Variants in PDSS2 observed in about 807,000 individuals in gnomAD.
PDSS2 encodes the protein all trans-polyprenyl-diphosphate synthase PDSS2.
Under a neutral mutation model 44.5 loss-of-function variants are expected in PDSS2, and 31 were observed. The ratio of observed to expected loss-of-function variants is 0.70; its 90% CI spans 0.52 to 0.94. The LOEUF (loss-of-function observed/expected upper bound fraction) is 0.94. Ranked by LOEUF, PDSS2 falls within the 40% of genes least tolerant of loss-of-function variation. PDSS2 has a pLI of 0.00. For synonymous variants in PDSS2, 157 were observed against 180.3 expected (o/e 0.87, Z 1.03); for missense variants, 452 against 482.2 (o/e 0.94, Z 0.59).
intron 3 of PDSS2, among the ~76,000 whole-genome samples, chr6:107,257,961 C>T (rs1373727335): frequency 6.6e-6 from 1 of 152,156 alleles, no homozygotes; most frequent in African/African-American, 2.4e-5. Context: ...ATGCAATGCA[C>T]ACACAAAAAT....
intron 1 of PDSS2, among the ~76,000 whole-genome samples, chr6:107,450,686 G>A (rs1180860709): frequency 6.6e-6 from 1 of 152,184 alleles, no homozygotes; most frequent in Non-Finnish European, 1.5e-5. Flanking sequence ...TAATTCTATA[G>A]GTTATGGCAG....
At chr6:107,414,706 C>T (rs902573849) in intron 1 of PDSS2, among the ~76,000 whole-genome samples, 1 of 152,178 alleles carries the variant, frequency 6.6e-6, no homozygotes, top group African/African-American at 2.4e-5. Context: ...AGCATATGGG[C>T]TTCCCCAGCA....
At chr6:107,273,966 C>G in intron 3 of PDSS2, 63 bp downstream of exon 3, 3 of 1,316,520 alleles carry the variant, frequency 2.3e-6, no homozygotes, top group Non-Finnish European at 3.3e-6. Context: ...ACCTGCAGCT[C>G]CAGCAGCCAA....
In PDSS2 at chr6:107,338,397, C is replaced by T. The variant is rs1312907881; in HGVS notation, c.297-4065G>A. 2.6e-5 allele frequency among the ~76,000 whole-genome samples: 4 copies of T among 152,306 alleles called. No homozygotes were observed. The East Asian group carries it at 7.7e-4, about 29-fold the overall frequency. On this transcript the variant is annotated intron_variant, in intron 1 of 7. Coordinates refer to ENST00000369037, the MANE Select transcript of PDSS2 (RefSeq NM_020381.4). Reference sequence around the variant, plus strand: ...AAATGGTAAGGTTGGTGTTCTCAAACGTATTCAGCCAAGAGTGTACTGAAT... The same window carrying T: ...AAATGGTAAGGTTGGTGTTCTCAAATGTATTCAGCCAAGAGTGTACTGAAT...
intron 6 of PDSS2, among the ~76,000 whole-genome samples, 184 bp downstream of exon 6, chr6:107,210,255 T>C (rs1439330582): frequency 6.6e-6 from 1 of 152,220 alleles, no homozygotes; most frequent in African/African-American, 2.4e-5. Context: ...AATTCAGTAC[T>C]GCAATCTCTA....
chr6:107,270,172 G>A (rs1775552055), intron 3 of PDSS2, among the ~76,000 whole-genome samples: 1 of 151,986 alleles, frequency 6.6e-6, no homozygotes, highest in African/African-American at 2.4e-5. Context: ...GCAATGGCGT[G>A]ATCTTGGCTC....
In PDSS2 at chr6:107,153,555, AG is replaced by A. The variant is rs1582701266; in HGVS notation, c.*1063del. 1.3e-5 allele frequency: 2 copies of A among 152,738 alleles called. No homozygotes were observed. 9.5% of individuals were successfully genotyped at this position (152,738 alleles called of 1,614,324 possible). On this transcript the variant is annotated 3_prime_UTR_variant, in exon 8 of 8. Coordinates refer to ENST00000369037, the MANE Select transcript of PDSS2 (RefSeq NM_020381.4). ...AATGAATACATTTCACTTGAAAAAA[AG>A]CTCCTTTTTCCTTAAAGAAAAAAAA...
chr6:107,172,156 C>T (rs1771602624), intron 7 of PDSS2, among the ~76,000 whole-genome samples: 1 of 152,164 alleles, frequency 6.6e-6, no homozygotes, highest in Non-Finnish European at 1.5e-5. Flanking sequence ...ATACAAAGTA[C>T]TTAAAATTAA....
At chr6:107,186,226 G>GAA (rs1772158913) in intron 7 of PDSS2, among the ~76,000 whole-genome samples, 1 of 152,208 alleles carries the variant, frequency 6.6e-6, no homozygotes, top group Non-Finnish European at 1.5e-5. Flanking sequence ...TACTACAGCA[G>GAA]TGTAAAGCAT....
chr6:107,428,517 G>A (rs1463463384), intron 1 of PDSS2, among the ~76,000 whole-genome samples: 1 of 152,050 alleles, frequency 6.6e-6, no homozygotes, highest in Non-Finnish European at 1.5e-5. Flanking sequence ...AGTATATGCT[G>A]GGCAACAGAA....
chr6:107,192,735 T>C (rs375513945), intron 7 of PDSS2, among the ~76,000 whole-genome samples: 3 of 151,968 alleles, frequency 2.0e-5, no homozygotes, highest in South Asian at 2.1e-4. Flanking sequence ...TTCTGACATA[T>C]GTTCCTGGGT....
At chr6:107,200,313 T>C (rs1329483660) in intron 6 of PDSS2, among the ~76,000 whole-genome samples, 1 of 152,212 alleles carries the variant, frequency 6.6e-6, no homozygotes, top group Non-Finnish European at 1.5e-5. Context: ...TTTTACATTT[T>C]TGTATAGGCC....
chr6:107,371,498 A>G (rs1401391232), intron 1 of PDSS2, among the ~76,000 whole-genome samples: 2 of 152,192 alleles, frequency 1.3e-5, no homozygotes, highest in South Asian at 4.1e-4. Context: ...TCCTGTTTTC[A>G]TTTATTTCAA....
intron 4 of PDSS2, among the ~76,000 whole-genome samples, chr6:107,235,698 A>C (rs572874890): frequency 1.3e-4 from 20 of 152,344 alleles, no homozygotes; most frequent in Non-Finnish European, 2.5e-4. Context: ...AATACAACCC[A>C]TAATGAGGGA....
At chr6:107,221,157 A>G (rs1773589291) in intron 4 of PDSS2, among the ~76,000 whole-genome samples, 1 of 152,148 alleles carries the variant, frequency 6.6e-6, no homozygotes, top group Non-Finnish European at 1.5e-5. Context: ...CCTGGCTAAC[A>G]CGGTGAAACC....
intron 7 of PDSS2, among the ~76,000 whole-genome samples, chr6:107,178,515 G>A (rs62428026): frequency 1.2e-4 from 19 of 152,280 alleles, no homozygotes; most frequent in Non-Finnish European, 2.1e-4. Flanking sequence ...ATGCTTATCA[G>A]CTTAAAGTCA....
At chr6:107,175,654 T>A (rs1771761733) in intron 7 of PDSS2, among the ~76,000 whole-genome samples, 2 of 152,166 alleles carry the variant, frequency 1.3e-5, no homozygotes, top group Admixed American at 1.3e-4. Flanking sequence ...ATTATGTACC[T>A]CTACTGCAAC....
chr6:107,397,180 AT>A lies in PDSS2; in HGVS notation c.296+61809del, dbSNP rs10534330. Among the ~76,000 whole-genome samples, 889 of 147,580 alleles carry A rather than the reference AT, an allele frequency of 6.0e-3. 7 individuals carry two copies. Among genetic ancestry groups the A allele is most frequent in the Admixed American group, 9.1e-3 (135 of 14,898 alleles). On this transcript the variant is annotated intron_variant, in intron 1 of 7. Coordinates refer to ENST00000369037, the MANE Select transcript of PDSS2 (RefSeq NM_020381.4). ...TCTGTGGATCCCCAGGGGTCCTGAGATTTTTTTTTTTTTTTGGTGGTCGAGG... is the reference window on the plus strand; with the variant it reads ...TCTGTGGATCCCCAGGGGTCCTGAGATTTTTTTTTTTTTTGGTGGTCGAGG...
Position 107,252,935 on chromosome 6 carries a change from T to C in PDSS2, c.631-7316A>G, listed in dbSNP as rs547329647. On this transcript the variant is annotated intron_variant, in intron 3 of 7. Coordinates refer to ENST00000369037, the MANE Select transcript of PDSS2 (RefSeq NM_020381.4). ...TACTATGTGCCTGGTACTGTACTAA[T>C]GAAACTAGTCTCGTTAGGCCACAGT... Among the ~76,000 whole-genome samples the C allele has an allele frequency of 3.6e-4, 55 of 152,332 alleles. No homozygotes were observed. In the South Asian group the frequency reaches 6.0e-3, roughly 17 times the overall value.
Sources: gnomAD v4.1 joint callset for allele counts (sites outside exome capture counted in the v4.1 genomes callset) on GRCh38, gnomAD v4.1.1 for gene constraint, MANE v1.5 for transcripts, NCBI Gene and HGNC (gene_info 2026-07-23, HGNC 2026-07-21) for gene names.